OTOF: variants seen among roughly 807,000 people sequenced by gnomAD.
The protein encoded by OTOF is otoferlin.
OTOF carries 218 observed loss-of-function variants against 236.8 expected under a neutral mutation model. That is an observed-to-expected ratio of 0.92 (90% confidence interval 0.82 to 1.03). The LOEUF is 1.03. Ranked by LOEUF, OTOF falls within the 50% of genes least tolerant of loss-of-function variation. OTOF has a pLI of 0.00. For missense variants in OTOF, 2,590 were observed against 2,694.4 expected, an observed-to-expected ratio of 0.96 and a Z score of 0.86; for synonymous variants, 1,041 against 1,072.5, an observed-to-expected ratio of 0.97 and a Z score of 0.57.
Position 26,503,811 on chromosome 2 carries a change from C to T in OTOF, c.544G>A (p.Gly182Ser), listed in dbSNP as rs1204827569. ...GRSVFSAMKL[G>S]KNRSHKEEPQ... ...TCCTCCTTGTGAGACCGGTTTTTGCCGAGCTTCATGGCGGAGAACACGCTC... is the reference window on the plus strand; with the variant it reads ...TCCTCCTTGTGAGACCGGTTTTTGCTGAGCTTCATGGCGGAGAACACGCTC... The change falls in exon 6 of 47, where the codon GGC becomes AGC. Residue 182 changes from glycine to serine, a missense_variant. Gly to Ser is a moderately conservative substitution (Grantham distance 56). Coordinates refer to ENST00000272371, the MANE Select transcript of OTOF (RefSeq NM_194248.3). 4 of 1,613,968 alleles carry T rather than the reference C, an allele frequency of 2.5e-6. No homozygotes were observed. The African/African-American group carries it at 4.0e-5, about 16-fold the overall frequency.
intron 33 of OTOF, 37 bp downstream of exon 33, chr2:26,468,371 G>GGGA (rs1664830681): frequency 6.5e-7 from 1 of 1,539,712 alleles, no homozygotes; most frequent in Non-Finnish European, 9.0e-7. Flanking sequence ...CCCAGGGGCG[G>GGGA]GGAGGAGGAG....
At chr2:26,505,230 T>C (rs1245645198) in intron 5 of OTOF, among the ~76,000 whole-genome samples, 1 of 152,180 alleles carries the variant, frequency 6.6e-6, no homozygotes, top group Non-Finnish European at 1.5e-5. Flanking sequence ...TAGGGAACAT[T>C]AGCATGTTCT....
intron 9 of OTOF, among the ~76,000 whole-genome samples, chr2:26,493,486 G>A (rs560989578): frequency 6.6e-6 from 1 of 152,326 alleles, no homozygotes; most frequent in East Asian, 1.9e-4. Context: ...CAGGGCCCAG[G>A]CCTGTGGCTT....
At chr2:26,545,343 A>C (rs1015326911) in intron 1 of OTOF, among the ~76,000 whole-genome samples, 1 of 152,200 alleles carries the variant, frequency 6.6e-6, no homozygotes, top group East Asian at 1.9e-4. Context: ...GCCTACATAA[A>C]AAATTTCATA....
At chr2:26,513,187 A>G (rs1403723632) in intron 5 of OTOF, among the ~76,000 whole-genome samples, 2 of 152,102 alleles carry the variant, frequency 1.3e-5, no homozygotes, top group East Asian at 3.9e-4. Flanking sequence ...CTGAGGAGGA[A>G]CGGGGTAACT....
chr2:26,546,635 G>A (rs1320993970), intron 1 of OTOF, among the ~76,000 whole-genome samples: 1 of 151,736 alleles, frequency 6.6e-6, no homozygotes, highest in Non-Finnish European at 1.5e-5. Flanking sequence ...AAAATAGTTT[G>A]TTGTGATTTT....
intron 8 of OTOF, among the ~76,000 whole-genome samples, chr2:26,500,342 C>A (rs187812962): frequency 6.6e-6 from 1 of 152,200 alleles, no homozygotes; most frequent in Non-Finnish European, 1.5e-5. Context: ...ATAGAATAAA[C>A]CTTCAAAAAT....
intron 9 of OTOF, among the ~76,000 whole-genome samples, chr2:26,491,705 C>G (rs1389504239): frequency 3.9e-5 from 6 of 152,158 alleles, no homozygotes; most frequent in Non-Finnish European, 1.5e-5. Context: ...AGGAAAGGAG[C>G]CTTAGTCTGG....
At chr2:26,471,071 C>G in intron 31 of OTOF, 50 bp downstream of exon 31, 1 of 1,608,148 alleles carries the variant, frequency 6.2e-7, no homozygotes. Context: ...ACATCATTGC[C>G]AATAAAGGAC....
chr2:26,485,780 G>T (rs1215280251), intron 11 of OTOF, among the ~76,000 whole-genome samples: 1 of 152,192 alleles, frequency 6.6e-6, no homozygotes, highest in Non-Finnish European at 1.5e-5. Context: ...TACAGAGGTT[G>T]GCCTTTCTGG....
At chr2:26,484,423 G>C in intron 12 of OTOF, 51 bp downstream of exon 12, 1 of 1,606,200 alleles carries the variant, frequency 6.2e-7, no homozygotes, top group Non-Finnish European at 8.5e-7. Context: ...GGCTCCCTGG[G>C]GGAAGGAAGG....
intron 8 of OTOF, among the ~76,000 whole-genome samples, chr2:26,497,539 A>G (rs960615547): frequency 2.0e-5 from 3 of 152,364 alleles, no homozygotes; most frequent in Middle Eastern, 3.4e-3. Flanking sequence ...AATAACCACT[A>G]AAATGATCAT....
Position 26,473,155 on chromosome 2 carries a change from G to A in OTOF, c.3710C>T (p.Ser1237Leu), listed in dbSNP as rs753598510. The stretch of plus-strand genomic sequence containing the variant: ...ACCCGTGGTGTTCCAGCTGGGGGCC[G>A]AGCGGTCTGGGGGCCGGTAGATGAA... ...RRFIYRPPDR[S>L]APSWNTTVRL... Residue 1237 changes from serine to leucine, a missense_variant, in exon 29 of 47, where the codon TCG becomes TTG. Transcript: ENST00000272371. This position sits in a 1 kb window ranked among gnomAD's most constrained non-coding sequence, Gnocchi z 7.2. The A allele has an allele frequency of 6.2e-6, 10 of 1,612,580 alleles. No homozygotes were observed. The highest frequency in any genetic ancestry group is 5.3e-5 in the African/African-American group (4 of 74,902).
intron 18 of OTOF, among the ~76,000 whole-genome samples, chr2:26,478,252 C>T (rs1469334719): frequency 6.6e-6 from 1 of 152,192 alleles, no homozygotes; most frequent in African/African-American, 2.4e-5. Context: ...ACCCCAGCTC[C>T]TTAGGGGGAA....
chr2:26,474,699 C>T (rs1665172400), intron 25 of OTOF, 25 bp from the exon 26 acceptor site: 1 of 1,612,860 alleles, frequency 6.2e-7, no homozygotes, highest in Admixed American at 1.7e-5. Context: ...AACCCAGAAG[C>T]CTCTTGGTGC....
At chr2:26,533,056 C>T (rs984147670) in intron 2 of OTOF, among the ~76,000 whole-genome samples, 6 of 152,166 alleles carry the variant, frequency 3.9e-5, no homozygotes, top group South Asian at 2.1e-4. Context: ...AGGTGAGCCG[C>T]GGGTGAGCGA....
chr2:26,538,266 C>G (rs1232450467), intron 1 of OTOF, among the ~76,000 whole-genome samples: 3 of 152,238 alleles, frequency 2.0e-5, no homozygotes, highest in Non-Finnish European at 4.4e-5. Flanking sequence ...CTGCCCAAAC[C>G]AGGCCCCCAA....
chr2:26,545,857 G>T (rs1203835856), intron 1 of OTOF, among the ~76,000 whole-genome samples: 1 of 151,996 alleles, frequency 6.6e-6, no homozygotes, highest in Non-Finnish European at 1.5e-5. Flanking sequence ...TGCTCCATTG[G>T]TCTATATGTC....
At chr2:26,547,557 C>T (rs1385095766) in intron 1 of OTOF, among the ~76,000 whole-genome samples, 2 of 152,092 alleles carry the variant, frequency 1.3e-5, no homozygotes, top group South Asian at 2.1e-4. Context: ...TTCTACAGGC[C>T]GGGTGTGGTG....
Sources: gnomAD v4.1 joint callset for allele counts (sites outside exome capture counted in the v4.1 genomes callset) on GRCh38, gnomAD v4.1.1 for gene constraint, Gnocchi (gnomAD v3.1) non-coding constraint, MANE v1.5 for transcripts, NCBI Gene and HGNC (gene_info 2026-07-23, HGNC 2026-07-21) for gene names.